The following KLHL1 variants were observed in gnomAD, a reference collection of about 807,000 sequenced individuals.
KLHL1 encodes kelch-like protein 1.
A neutral mutation model predicts 77.7 loss-of-function variants in KLHL1; 47 were observed. The ratio of observed to expected loss-of-function variants is 0.60; its 90% CI spans 0.48 to 0.77. KLHL1 has a LOEUF of 0.77. Ranked by LOEUF, KLHL1 falls within the 30% of genes least tolerant of loss-of-function variation. The pLI is 0.00. For synonymous variants in KLHL1, 360 were observed against 325.2 expected, an observed-to-expected ratio of 1.11 and a Z score of -1.15; for missense variants, 925 against 910.8, an observed-to-expected ratio of 1.02 and a Z score of -0.20.
chr13:70,006,699 C>A (rs932436497), intron 1 of KLHL1, among the ~76,000 whole-genome samples: 1 of 151,612 alleles, frequency 6.6e-6, no homozygotes, highest in Non-Finnish European at 1.5e-5. Context: ...GGGTTATTAC[C>A]AGTTTTAGGG....
intron 1 of KLHL1, among the ~76,000 whole-genome samples, chr13:70,056,774 A>T (rs985009771): frequency 6.6e-6 from 1 of 152,114 alleles, no homozygotes; most frequent in Non-Finnish European, 1.5e-5. Context: ...TCATGAAACA[A>T]ATGAAAATGG....
At chr13:70,068,364 C>CA (rs1394560330) in intron 1 of KLHL1, among the ~76,000 whole-genome samples, 17 of 114,602 alleles carry the variant, frequency 1.5e-4, no homozygotes, top group Non-Finnish European at 2.7e-4. Flanking sequence ...AAAACAAAAA[C>CA]AAAAACAAAA....
At chr13:69,729,412 T>C (rs1021200469) in intron 8 of KLHL1, among the ~76,000 whole-genome samples, 1 of 152,170 alleles carries the variant, frequency 6.6e-6, no homozygotes, top group African/African-American at 2.4e-5. Flanking sequence ...AAGTGTTCAT[T>C]GTTTTTTATT....
chr13:69,749,708 A>G (rs539331733), intron 7 of KLHL1, among the ~76,000 whole-genome samples: 1 of 152,148 alleles, frequency 6.6e-6, no homozygotes, highest in South Asian at 2.1e-4. Flanking sequence ...TAATCTGTCT[A>G]TACAGATCAT....
At chr13:69,895,231 G>A in intron 4 of KLHL1, 1 of 518,386 alleles carries the variant, frequency 1.9e-6, no homozygotes. Context: ...CAGTTTGCTG[G>A]CAGCATCTGG....
At chr13:69,735,127 T>C (rs1873708920) in intron 8 of KLHL1, among the ~76,000 whole-genome samples, 1 of 151,826 alleles carries the variant, frequency 6.6e-6, no homozygotes, top group African/African-American at 2.4e-5. Flanking sequence ...CATAAACAGA[T>C]CAAATAAGAA....
At position 69,996,909 on chromosome 13, in the gene KLHL1, A is replaced by ATTTTTTT. The variant is rs1566484216; in HGVS notation, c.498-21108_498-21107insAAAAAAA. Among the ~76,000 whole-genome samples, 9 of 106,654 alleles carry ATTTTTTT rather than the reference A, an allele frequency of 8.4e-5. No homozygotes were observed. In the East Asian group the frequency reaches 1.4e-3, roughly 17 times the overall value. The allele number at this position is 106,654 out of a possible 152,430, so 70.0% of individuals were successfully genotyped here. On this transcript the variant is annotated intron_variant, in intron 1 of 10. Coordinates refer to ENST00000377844, the MANE Select transcript of KLHL1 (RefSeq NM_020866.3). Reference sequence around the variant, plus strand: ...TGAAAAGTTCTTATTTTATTCATTAAATTTTTTTTTTTTTTTTTTTTTTTT... The same window carrying ATTTTTTT: ...TGAAAAGTTCTTATTTTATTCATTAATTTTTTTATTTTTTTTTTTTTTTTTTTTTTTT...
intron 5 of KLHL1, among the ~76,000 whole-genome samples, chr13:69,855,748 C>A (rs1433533193): frequency 1.3e-5 from 2 of 150,854 alleles, no homozygotes; most frequent in Admixed American, 6.7e-5. Context: ...GTCAATTAAA[C>A]CTCTTTCCTT....
At position 70,004,747 on chromosome 13, in the gene KLHL1, T is replaced by C. The variant is rs1997617; in HGVS notation, c.498-28945A>G. 6.3e-3 allele frequency among the ~76,000 whole-genome samples: 957 copies of C among 151,940 alleles called. 9 individuals carry two copies. The highest frequency in any genetic ancestry group is 0.022 in the African/African-American group (897 of 41,510). ...TTTTTACATTTTTATTACACCCAAA[T>C]AACTTTATTATATGAAATTGAATGT... On this transcript the variant is annotated intron_variant, in intron 1 of 10. Coordinates refer to ENST00000377844, the MANE Select transcript of KLHL1 (RefSeq NM_020866.3).
intron 4 of KLHL1, chr13:69,894,984 G>A: frequency 2.0e-6 from 1 of 497,212 alleles, no homozygotes; most frequent in Admixed American, 2.1e-5. Flanking sequence ...AGTGTTCTGA[G>A]CTCACAAATG....
intron 5 of KLHL1, among the ~76,000 whole-genome samples, chr13:69,867,921 G>T (rs571518831): frequency 1.3e-5 from 2 of 151,772 alleles, no homozygotes; most frequent in African/African-American, 2.4e-5. Flanking sequence ...GTTAATGGGT[G>T]CAGCACACCA....
chr13:69,864,064 CCAGT>C (rs1428797738), intron 5 of KLHL1, among the ~76,000 whole-genome samples: 2 of 151,724 alleles, frequency 1.3e-5, no homozygotes, highest in South Asian at 2.1e-4. Flanking sequence ...CAAGTGTCAC[CCAGT>C]CAATGTTATT....
At chr13:70,068,975 T>C (rs1210028579) in intron 1 of KLHL1, among the ~76,000 whole-genome samples, 1 of 152,118 alleles carries the variant, frequency 6.6e-6, no homozygotes, top group Non-Finnish European at 1.5e-5. Context: ...AAAAAGCAAC[T>C]ATATCAAAAT....
intron 1 of KLHL1, among the ~76,000 whole-genome samples, chr13:69,991,566 T>C (rs564674946): frequency 1.3e-5 from 2 of 151,406 alleles, no homozygotes; most frequent in African/African-American, 4.8e-5. Context: ...GCACACAAAC[T>C]AGAAAAGGTA....
chr13:69,760,125 A>G (rs969394866), intron 7 of KLHL1, among the ~76,000 whole-genome samples: 1 of 152,122 alleles, frequency 6.6e-6, no homozygotes, highest in African/African-American at 2.4e-5. Flanking sequence ...AGACTTTTTA[A>G]CTTAGTTTCT....
chr13:69,968,541 TTA>T (rs1491577109), intron 2 of KLHL1, among the ~76,000 whole-genome samples: 6 of 89,190 alleles, frequency 6.7e-5, no homozygotes, highest in African/African-American at 1.7e-4. Flanking sequence ...GGGTTGAAAT[TTA>T]AAAAAAAAAA....
chr13:69,851,384 C>A (rs2138132191), intron 5 of KLHL1, among the ~76,000 whole-genome samples: 1 of 151,806 alleles, frequency 6.6e-6, no homozygotes, highest in East Asian at 1.9e-4. Context: ...CACTGAGGAG[C>A]CTGATGCAGA....
At chr13:70,036,253 T>C (rs1332575609) in intron 1 of KLHL1, among the ~76,000 whole-genome samples, 2 of 151,976 alleles carry the variant, frequency 1.3e-5, no homozygotes, top group Non-Finnish European at 2.9e-5. Context: ...TTATTTATTA[T>C]TCCCTCCCAC....
intron 1 of KLHL1, among the ~76,000 whole-genome samples, chr13:69,990,359 A>G (rs1884995636): frequency 6.6e-6 from 1 of 152,092 alleles, no homozygotes; most frequent in Admixed American, 6.6e-5. Flanking sequence ...TGTTCCAATT[A>G]AAAGGCAAAG....
Sources: gnomAD v4.1 joint callset for allele counts (sites outside exome capture counted in the v4.1 genomes callset) on GRCh38, gnomAD v4.1.1 for gene constraint, MANE v1.5 for transcripts, NCBI Gene and HGNC (gene_info 2026-07-23, HGNC 2026-07-21) for gene names.